The following TTLL5 variants were observed in gnomAD, a reference collection of about 807,000 sequenced individuals.
The protein encoded by TTLL5 is tubulin polyglutamylase TTLL5.
In TTLL5, 132 loss-of-function variants were observed where a neutral mutation model predicts 168.4. The ratio of observed to expected loss-of-function variants is 0.78; its 90% CI spans 0.68 to 0.91. The LOEUF (loss-of-function observed/expected upper bound fraction) is 0.91. Among genes scored for constraint, TTLL5 ranks in the 40% least tolerant of loss-of-function variants. The pLI is 0.00. For synonymous variants in TTLL5, 546 were observed against 558.6 expected (o/e 0.98, Z 0.32); for missense variants, 1,545 against 1,581.5 (o/e 0.98, Z 0.39).
intron 3 of TTLL5, among the ~76,000 whole-genome samples, chr14:75,669,732 GT>G (rs1040079594): frequency 5.4e-5 from 8 of 148,972 alleles, no homozygotes; most frequent in South Asian, 2.1e-4. Flanking sequence ...GTGTACATGT[GT>G]TTTTTTTTTA....
At chr14:75,674,607 A>G (rs1883997191) in intron 3 of TTLL5, among the ~76,000 whole-genome samples, 1 of 152,100 alleles carries the variant, frequency 6.6e-6, no homozygotes. Flanking sequence ...TTTTTCCCAA[A>G]TTGTATGTAC....
intron 6 of TTLL5, 123 bp from the exon 7 acceptor site, chr14:75,699,065 A>G (rs1192040567): frequency 1.3e-6 from 1 of 796,892 alleles, no homozygotes; most frequent in Non-Finnish European, 2.1e-6. Flanking sequence ...CCCAACACTT[A>G]GAAATTTGTA....
At chr14:75,745,817 G>C (rs1163110982) in intron 17 of TTLL5, among the ~76,000 whole-genome samples, 2 of 151,538 alleles carry the variant, frequency 1.3e-5, no homozygotes, top group African/African-American at 4.9e-5. Context: ...CTATCCCAGG[G>C]TTAGGGACTG....
chr14:75,922,579 A>C (rs2140141663), intron 31 of TTLL5, among the ~76,000 whole-genome samples: 1 of 151,468 alleles, frequency 6.6e-6, no homozygotes, highest in Admixed American at 6.6e-5. Context: ...CCAGGGATGA[A>C]CACTTGATCA....
chr14:75,812,533 A>G (rs914703777), intron 27 of TTLL5, among the ~76,000 whole-genome samples: 1 of 152,194 alleles, frequency 6.6e-6, no homozygotes, highest in Admixed American at 6.5e-5. Flanking sequence ...TTCTTGGCAT[A>G]TTTAATGATT....
At chr14:75,724,983 A>T (rs889837990) in intron 12 of TTLL5, among the ~76,000 whole-genome samples, 1 of 152,184 alleles carries the variant, frequency 6.6e-6, no homozygotes, top group Non-Finnish European at 1.5e-5. Context: ...ATCTCTGTGT[A>T]TTAGCATGGC....
intron 9 of TTLL5, among the ~76,000 whole-genome samples, chr14:75,717,360 C>A (rs1380139767): frequency 6.6e-6 from 1 of 152,198 alleles, no homozygotes; most frequent in African/African-American, 2.4e-5. Flanking sequence ...AGCAATCCTC[C>A]TGCCTCGGCC....
At chr14:75,691,774 G>A (rs184905800) in intron 6 of TTLL5, among the ~76,000 whole-genome samples, 1 of 152,220 alleles carries the variant, frequency 6.6e-6, no homozygotes, top group African/African-American at 2.4e-5. Flanking sequence ...AGACGAAGTA[G>A]CATGGGGAGA....
intron 27 of TTLL5, among the ~76,000 whole-genome samples, chr14:75,798,608 A>C (rs1893117139): frequency 1.3e-5 from 2 of 152,068 alleles, no homozygotes; most frequent in Non-Finnish European, 2.9e-5. Flanking sequence ...TAAAGCTATG[A>C]ACTTTCGTCT....
chr14:75,948,115 G>A (rs1439142194), intron 31 of TTLL5, among the ~76,000 whole-genome samples: 2 of 151,982 alleles, frequency 1.3e-5, no homozygotes, highest in Non-Finnish European at 2.9e-5. Flanking sequence ...TACATTCCTT[G>A]ACCATAACGC....
chr14:75,703,551 G>A (rs1450711657), intron 7 of TTLL5, among the ~76,000 whole-genome samples: 1 of 152,140 alleles, frequency 6.6e-6, no homozygotes, highest in Non-Finnish European at 1.5e-5. Context: ...TCCCAATTTA[G>A]TATATTCAAA....
At chr14:75,678,465 C>A (rs1345163252) in intron 3 of TTLL5, among the ~76,000 whole-genome samples, 1 of 152,102 alleles carries the variant, frequency 6.6e-6, no homozygotes, top group Non-Finnish European at 1.5e-5. Flanking sequence ...CCCCATTGTT[C>A]CAATTTAGTC....
chr14:75,719,629 T>TA (rs200484305), intron 10 of TTLL5, 106 bp from the exon 11 acceptor site: 18,080 of 840,614 alleles, frequency 0.022, no homozygotes, highest in South Asian at 0.027. Flanking sequence ...CAAAGTGAAT[T>TA]AAAAAAAAAA....
At chr14:75,860,163 C>A (rs1303098168) in intron 28 of TTLL5, among the ~76,000 whole-genome samples, 1 of 152,186 alleles carries the variant, frequency 6.6e-6, no homozygotes, top group African/African-American at 2.4e-5. Context: ...AGGAACACAT[C>A]CTTTCTTATC....
At chr14:75,905,520 G>A (rs1028513468) in intron 31 of TTLL5, among the ~76,000 whole-genome samples, 1 of 152,212 alleles carries the variant, frequency 6.6e-6, no homozygotes, top group Admixed American at 6.5e-5. Flanking sequence ...CTCCATGAAT[G>A]TGGTTTTTCC....
At chr14:75,917,710 G>A (rs958695159) in intron 31 of TTLL5, among the ~76,000 whole-genome samples, 3 of 152,202 alleles carry the variant, frequency 2.0e-5, no homozygotes, top group African/African-American at 7.2e-5. Flanking sequence ...CCACATGCCC[G>A]AACCGCCTTC....
chr14:75,791,369 T>G (rs553531802), intron 26 of TTLL5, among the ~76,000 whole-genome samples: 1 of 152,138 alleles, frequency 6.6e-6, no homozygotes, highest in African/African-American at 2.4e-5. Flanking sequence ...GCAAGGAAAA[T>G]GAATGACTTT....
chr14:75,740,561 T>C (rs1889195613), intron 15 of TTLL5, among the ~76,000 whole-genome samples: 1 of 152,194 alleles, frequency 6.6e-6, no homozygotes, highest in Non-Finnish European at 1.5e-5. Flanking sequence ...CCTGCTGGCT[T>C]ACATTTATTC....
At chr14:75,909,561 G>T (rs1408516492) in intron 31 of TTLL5, among the ~76,000 whole-genome samples, 2 of 151,972 alleles carry the variant, frequency 1.3e-5, no homozygotes, top group Non-Finnish European at 2.9e-5. Flanking sequence ...ACCTTCCTTC[G>T]GAGCCTTGTT....
Sources: allele counts gnomAD v4.1 joint callset (sites outside exome capture counted in the v4.1 genomes callset), GRCh38; gene constraint gnomAD v4.1.1; transcripts MANE v1.5; gene names NCBI Gene and HGNC (gene_info 2026-07-23, HGNC 2026-07-21).